The following IGSF21 variants were observed in gnomAD, a reference collection of about 807,000 sequenced individuals.
The protein encoded by IGSF21 is immunoglobulin superfamily member 21.
Under a neutral mutation model 46.8 loss-of-function variants are expected in IGSF21, and 28 were observed. The ratio of observed to expected loss-of-function variants is 0.60; its 90% confidence interval spans 0.44 to 0.82. The LOEUF (loss-of-function observed/expected upper bound fraction) is 0.82, where lower values mean the gene tolerates loss of function less well. Among genes scored for constraint, IGSF21 ranks in the 40% least tolerant of loss-of-function variants. IGSF21 has a pLI of 0.00. For synonymous variants in IGSF21, 284 were observed against 273.6 expected (o/e 1.04, Z -0.38); for missense variants, 624 against 665.5 (o/e 0.94, Z 0.69).
intron 3 of IGSF21, among the ~76,000 whole-genome samples, chr1:18,324,746 G>C (rs2085641243): frequency 1.3e-5 from 2 of 152,066 alleles, no homozygotes; most frequent in African/African-American, 2.4e-5. Context: ...TTTCTGCTTG[G>C]TGCTGTCCAA....
At chr1:18,202,031 A>T (rs2087080486) in intron 1 of IGSF21, among the ~76,000 whole-genome samples, 1 of 152,214 alleles carries the variant, frequency 6.6e-6, no homozygotes, top group South Asian at 2.1e-4. Context: ...AAGCACTTGG[A>T]AAATTCCATT....
At chr1:18,309,359 G>T (rs2085457955) in intron 3 of IGSF21, among the ~76,000 whole-genome samples, 1 of 152,140 alleles carries the variant, frequency 6.6e-6, no homozygotes, top group South Asian at 2.1e-4. Flanking sequence ...CTCAGCCATG[G>T]AGGGGATGCC....
chr1:18,284,827 G>A (rs1218323603), intron 2 of IGSF21, among the ~76,000 whole-genome samples: 1 of 152,148 alleles, frequency 6.6e-6, no homozygotes, highest in Non-Finnish European at 1.5e-5. Context: ...AGCTGTGCTG[G>A]GCTGACACAA....
At chr1:18,236,297 T>C (rs983242059) in intron 2 of IGSF21, among the ~76,000 whole-genome samples, 2 of 152,220 alleles carry the variant, frequency 1.3e-5, no homozygotes, top group African/African-American at 4.8e-5. Flanking sequence ...AAGATCCTCT[T>C]GCCTGCCACC....
rs200305863 is a variant in IGSF21 at position 18,365,560 on chromosome 1, C to A, written c.878C>A (p.Pro293Gln). ...PTYFLRHSRT[P>Q]SSDGTVEVRA... ...TACTTCCTGCGCCACAGCCGCACCC[C>A]GAGCAGTGACGGCACTGTGGAAGTA... Residue 293 changes from proline to glutamine, a missense_variant, in exon 6 of 10, where the codon CCG (proline) becomes CAG (glutamine). Coordinates refer to ENST00000251296, the MANE Select transcript of IGSF21 (RefSeq NM_032880.5). The surrounding 1 kb of genome is among the most constrained non-coding windows in gnomAD (Gnocchi z 4.8). 1.2e-6 allele frequency: 2 copies of A among 1,614,062 alleles called. No individual in the cohort carries two copies. Among genetic ancestry groups the A allele is most frequent in the East Asian group, 2.2e-5 (1 of 44,886 alleles).
At chr1:18,309,566 A>G (rs1487605057) in intron 3 of IGSF21, among the ~76,000 whole-genome samples, 3 of 152,124 alleles carry the variant, frequency 2.0e-5, no homozygotes, top group African/African-American at 7.2e-5. Flanking sequence ...AGAACCCCAC[A>G]TCTGTCCCTT....
chr1:18,175,565 T>A (rs997048814), intron 1 of IGSF21, among the ~76,000 whole-genome samples: 4 of 152,120 alleles, frequency 2.6e-5, no homozygotes, highest in Non-Finnish European at 5.9e-5. Flanking sequence ...GGAACCTCCT[T>A]GTCCCTTGCT....
At position 18,183,038 on chromosome 1, in the gene IGSF21, C is replaced by T. The variant is rs115692375; in HGVS notation, c.71-44860C>T. Among the ~76,000 whole-genome samples the T allele has an allele frequency of 6.1e-3, 936 of 152,302 alleles. 18 individuals are homozygous for T. The highest frequency in any genetic ancestry group is 0.021 in the African/African-American group (862 of 41,570). On this transcript the variant is annotated intron_variant, in intron 1 of 9. Transcript: ENST00000251296. The stretch of plus-strand genomic sequence containing the variant: ...AGGCATTACAGGAAGCCACCCTGCC[C>T]CCTCCTGGGCCTGGCTGCCCTCGCC...
At chr1:18,282,570 A>G (rs2085171884) in intron 2 of IGSF21, among the ~76,000 whole-genome samples, 1 of 151,524 alleles carries the variant, frequency 6.6e-6, no homozygotes. Context: ...GTGGGTGCCT[A>G]TCTGGGCATG....
At chr1:18,168,985 G>A (rs2086708273) in intron 1 of IGSF21, among the ~76,000 whole-genome samples, 1 of 152,196 alleles carries the variant, frequency 6.6e-6, no homozygotes, top group Admixed American at 6.5e-5. Context: ...CAGGAGTAGG[G>A]GGCTCAGAGT....
At chr1:18,258,392 T>C (rs894554259) in intron 2 of IGSF21, among the ~76,000 whole-genome samples, 1 of 152,226 alleles carries the variant, frequency 6.6e-6, no homozygotes, top group African/African-American at 2.4e-5. Flanking sequence ...GTGGACCCTG[T>C]AGCCTTTGGG....
intron 4 of IGSF21, among the ~76,000 whole-genome samples, chr1:18,351,570 CG>C (rs1385511441): frequency 6.6e-6 from 1 of 152,162 alleles, no homozygotes; most frequent in African/African-American, 2.4e-5. Context: ...GGAGGACGGA[CG>C]AGCAACAGCT....
intron 1 of IGSF21, chr1:18,167,782 G>A (rs1215595853): frequency 6.6e-6 from 1 of 152,036 alleles, no homozygotes; most frequent in Non-Finnish European, 1.5e-5. Flanking sequence ...GGGAGAGAAG[G>A]GTCCCCACTG....
In IGSF21 at chr1:18,154,074, C is replaced by T. The variant is rs569865980; in HGVS notation, c.70+45876C>T. On this transcript the variant is annotated intron_variant, in intron 1 of 9. Transcript: ENST00000251296. ...CCACTGACTGGCATCCCAGGAGCCA[C>T]GGTGAGCCCACTGTCTGTGTGTTTT... Among the ~76,000 whole-genome samples the T allele has an allele frequency of 1.1e-4, 16 of 152,308 alleles. No homozygotes were observed. In the South Asian group the frequency reaches 2.9e-3, roughly 28 times the overall value.
intron 2 of IGSF21, chr1:18,278,744 TG>T (rs2085129437): frequency 6.8e-6 from 3 of 441,818 alleles, no homozygotes; most frequent in East Asian, 1.4e-4. Flanking sequence ...TTTGTAGAGA[TG>T]GGGTTTCACC....
chr1:18,356,924 T>G, intron 4 of IGSF21, among the ~76,000 whole-genome samples: 1 of 148,052 alleles, frequency 6.8e-6, no homozygotes, highest in African/African-American at 2.5e-5. Flanking sequence ...GAATAGGGGA[T>G]GGAGATTGAG....
At chr1:18,372,749 G>A (rs61763863) in intron 6 of IGSF21, among the ~76,000 whole-genome samples, 40,627 of 150,508 alleles carry the variant, frequency 0.27, 6,416 homozygotes, top group East Asian at 0.37. Flanking sequence ...TGAATGGATG[G>A]ATGGATGAAT....
intron 2 of IGSF21, among the ~76,000 whole-genome samples, chr1:18,247,629 C>G (rs189848961): frequency 6.6e-6 from 1 of 152,070 alleles, no homozygotes; most frequent in Non-Finnish European, 1.5e-5. Context: ...GATGGGGTAT[C>G]GCAGGGAGAA....
chr1:18,110,977 T>TGCGGGTTC (rs1467600496), intron 1 of IGSF21: 1 of 152,362 alleles, frequency 6.6e-6, no homozygotes, highest in East Asian at 1.9e-4. Context: ...TGGGCGGCCC[T>TGCGGGTTC]GCGGGTTCTC....
Sources: gnomAD v4.1 joint callset for allele counts (sites outside exome capture counted in the v4.1 genomes callset) on GRCh38, gnomAD v4.1.1 for gene constraint, Gnocchi (gnomAD v3.1) non-coding constraint, MANE v1.5 for transcripts, NCBI Gene and HGNC (gene_info 2026-07-23, HGNC 2026-07-21) for gene names.